SUGCT: variants seen among roughly 807,000 people sequenced by gnomAD.
SUGCT encodes the protein succinyl-CoA:glutarate-CoA transferase, also known as succinyl-CoA:glutarate CoA-transferase.
A neutral mutation model predicts 55.0 loss-of-function variants in SUGCT; 41 were observed. The observed-to-expected ratio is 0.74, with a 90% CI of 0.58 to 0.97. SUGCT has a LOEUF of 0.97. SUGCT is among the 50% of genes least tolerant of loss of function. The pLI, the probability that SUGCT is intolerant of heterozygous loss-of-function variation, is 0.00. For synonymous variants in SUGCT, 187 were observed against 200.4 expected (o/e 0.93, Z 0.56); for missense variants, 568 against 547.8 (o/e 1.04, Z -0.37).
intron 12 of SUGCT, among the ~76,000 whole-genome samples, chr7:40,562,862 A>C (rs1232630568): frequency 6.6e-6 from 1 of 152,224 alleles, no homozygotes; most frequent in Non-Finnish European, 1.5e-5. Context: ...AGAGATTTTA[A>C]GAGGAAGAAA....
At chr7:40,359,152 T>C (rs929946694) in intron 9 of SUGCT, among the ~76,000 whole-genome samples, 5 of 152,154 alleles carry the variant, frequency 3.3e-5, no homozygotes, top group Non-Finnish European at 7.3e-5. Context: ...CTGTCATGTA[T>C]GTATGTATGT....
intron 12 of SUGCT, among the ~76,000 whole-genome samples, chr7:40,499,864 T>C (rs1423768013): frequency 6.6e-6 from 1 of 152,212 alleles, no homozygotes; most frequent in African/African-American, 2.4e-5. Context: ...AAAAACTTAC[T>C]AGATGACCTC....
At chr7:40,915,551 G>A in the SUGCT span, among the ~76,000 whole-genome samples, 3 of 152,142 alleles carry the variant, frequency 2.0e-5, no homozygotes, top group East Asian at 1.9e-4. Flanking sequence ...TGGCAATGCC[G>A]TGTTAAGATA....
At chr7:40,826,220 A>G (rs950250796) in intron 13 of SUGCT, among the ~76,000 whole-genome samples, 1 of 152,216 alleles carries the variant, frequency 6.6e-6, no homozygotes, top group Non-Finnish European at 1.5e-5. Context: ...TAACAGGTAC[A>G]TATACATGAG....
At position 40,449,303 on chromosome 7, in the gene SUGCT, AT is replaced by A. The variant is rs1164153681; in HGVS notation, c.834del (p.Asp278GlufsTer5). ...IVPYQAFKTKDGYIVVGAGNN... is the reference protein window; with the variant it reads ...IVPYQAFKTKXGYIVVGAGNN... ...TTCTTTTAGGCTTTTAAAACCAAGGATGGCTATATTGTAGTTGGAGCAGGAA... is the reference window on the plus strand; with the variant it reads ...TTCTTTTAGGCTTTTAAAACCAAGGAGGCTATATTGTAGTTGGAGCAGGAA... On this transcript the variant is annotated frameshift_variant, in exon 10 of 14. Coordinates refer to ENST00000335693, the MANE Select transcript of SUGCT (RefSeq NM_001193313.2). LOFTEE classifies it high-confidence loss of function. The A allele has an allele frequency of 1.2e-6, 2 of 1,611,510 alleles. No homozygotes were observed. Among genetic ancestry groups the A allele is most frequent in the Non-Finnish European group, 1.7e-6 (2 of 1,178,222 alleles).
chr7:40,964,011 C>T, the SUGCT span, among the ~76,000 whole-genome samples: 1 of 152,140 alleles, frequency 6.6e-6, no homozygotes, highest in East Asian at 1.9e-4. Context: ...TGTCCCCCAG[C>T]CCGGTGAATG....
chr7:40,572,185 G>A (rs1375514555), intron 12 of SUGCT, among the ~76,000 whole-genome samples: 1 of 152,030 alleles, frequency 6.6e-6, no homozygotes, highest in Non-Finnish European at 1.5e-5. Flanking sequence ...CTTTCCAGGA[G>A]GAAAGCTCCT....
intron 13 of SUGCT, among the ~76,000 whole-genome samples, chr7:40,860,081 C>T (rs1263680878): frequency 6.6e-6 from 1 of 152,198 alleles, no homozygotes; most frequent in East Asian, 1.9e-4. Flanking sequence ...TCCATGCAGC[C>T]CCACTGCATG....
At chr7:40,992,685 A>G in the SUGCT span, among the ~76,000 whole-genome samples, 1 of 152,160 alleles carries the variant, frequency 6.6e-6, no homozygotes, top group African/African-American at 2.4e-5. Flanking sequence ...TGGTTATAAT[A>G]GGAAGAGATT....
chr7:41,024,567 C>T, the SUGCT span, among the ~76,000 whole-genome samples: 2 of 144,726 alleles, frequency 1.4e-5, no homozygotes, highest in African/African-American at 2.6e-5. Context: ...CCCTAATGGC[C>T]AATAAACATA....
At chr7:40,514,710 CAAAAAAAAAAAAAA>C (rs914527174) in intron 12 of SUGCT, among the ~76,000 whole-genome samples, 1 of 13,868 alleles carries the variant, frequency 7.2e-5, no homozygotes, top group Non-Finnish European at 1.6e-4. Context: ...AACTCCGTCT[CAAAAAAAAAAAAAA>C]AAAAAAAAAA....
intron 7 of SUGCT, among the ~76,000 whole-genome samples, chr7:40,251,401 A>G (rs553361910): frequency 6.6e-6 from 1 of 152,348 alleles, no homozygotes; most frequent in African/African-American, 2.4e-5. Context: ...TACTGCAACA[A>G]TAATTCCCCC....
chr7:41,008,347 C>G, the SUGCT span, among the ~76,000 whole-genome samples: 1 of 152,234 alleles, frequency 6.6e-6, no homozygotes, highest in Non-Finnish European at 1.5e-5. Context: ...CAGGTCTCCA[C>G]TCGGTGGAGC....
chr7:40,829,928 G>A (rs193034123), intron 13 of SUGCT, among the ~76,000 whole-genome samples: 2 of 152,160 alleles, frequency 1.3e-5, no homozygotes, highest in Non-Finnish European at 2.9e-5. Flanking sequence ...ATAGAATGCT[G>A]ACTTTCCTTC....
the SUGCT span, among the ~76,000 whole-genome samples, chr7:41,031,579 G>T: frequency 6.6e-6 from 1 of 152,208 alleles, no homozygotes; most frequent in East Asian, 1.9e-4. Context: ...TCTGGACAAG[G>T]GCATCACGAT....
intron 9 of SUGCT, among the ~76,000 whole-genome samples, chr7:40,363,897 A>G (rs1385844498): frequency 1.3e-5 from 2 of 152,162 alleles, no homozygotes; most frequent in Non-Finnish European, 2.9e-5. Flanking sequence ...TGATCTGTCT[A>G]ATGTTGACAA....
intron 11 of SUGCT, among the ~76,000 whole-genome samples, chr7:40,463,587 C>T (rs1789935422): frequency 6.6e-6 from 1 of 152,116 alleles, no homozygotes; most frequent in South Asian, 2.1e-4. Flanking sequence ...GTTATTCTTG[C>T]TAAGTACAGT....
At chr7:40,328,514 A>C (rs1250476326) in intron 9 of SUGCT, among the ~76,000 whole-genome samples, 1 of 152,158 alleles carries the variant, frequency 6.6e-6, no homozygotes, top group Non-Finnish European at 1.5e-5. Flanking sequence ...GGAGTATTCC[A>C]GGGCCTAAGG....
At chr7:40,861,450 G>C (rs1207238907), downstream of SUGCT, among the ~76,000 whole-genome samples, 1 of 152,114 alleles carries the variant, frequency 6.6e-6, no homozygotes, top group Non-Finnish European at 1.5e-5. Flanking sequence ...TGATTAGGAC[G>C]TATGTTCCAG....
Sources: gnomAD v4.1 joint callset for allele counts (sites outside exome capture counted in the v4.1 genomes callset) on GRCh38, gnomAD v4.1.1 for gene constraint, MANE v1.5 for transcripts, NCBI Gene and HGNC (gene_info 2026-07-23, HGNC 2026-07-21) for gene names.